PHC2: variants seen among roughly 807,000 people sequenced by gnomAD.
The protein encoded by PHC2 is polyhomeotic-like protein 2.
In PHC2, 29 loss-of-function variants were observed where a neutral mutation model predicts 87.4. That is an observed-to-expected ratio of 0.33 (90% CI 0.25 to 0.45). The LOEUF is 0.45. Among genes scored for constraint, PHC2 ranks in the 20% least tolerant of loss-of-function variants. The pLI is 1.00. For missense variants in PHC2, 857 were observed against 1,136.7 expected, an observed-to-expected ratio of 0.75 and a Z score of 3.54; for synonymous variants, 438 against 461.7, an observed-to-expected ratio of 0.95 and a Z score of 0.66.
chr1:33,326,069 T>G, intron 14 of PHC2: 1 of 346,034 alleles, frequency 2.9e-6, no homozygotes, highest in Admixed American at 3.6e-5. Flanking sequence ...AAATGTAAGT[T>G]GAATGTACCT....
rs77321548 is a variant in PHC2, at chr1:33,340,986, A to G, written c.1559-6694T>C. Among the ~76,000 whole-genome samples the G allele has an allele frequency of 7.4e-4, 112 of 152,158 alleles. 1 individual carries two copies. In the East Asian group the frequency reaches 0.018, roughly 25 times the overall value. On this transcript the variant is annotated intron_variant, in intron 9 of 14. Coordinates refer to ENST00000683057, the MANE Select transcript of PHC2 (RefSeq NM_001385109.1). ...CTAGATCCCAGAGGATTAAAGTTAG[A>G]AAGGCCCTGAGTTTAACATCTTAAA... is the stretch of plus-strand genomic sequence containing the variant.
In PHC2 at chr1:33,430,960, C is replaced by A. The variant is rs1273155518; in HGVS notation, c.-55+16G>T. 6.6e-6 allele frequency: 1 copy of A among 151,554 alleles called. No individual in the cohort carries two copies. The highest frequency in any genetic ancestry group is 1.5e-5 in the Non-Finnish European group (1 of 67,906). The allele number at this position is 151,554 out of a possible 1,614,324, so 9.4% of individuals were successfully genotyped here. Reference sequence around the variant, plus strand: ...AGCCGCGAGCTGGCCCCAGCGCGCACGCGCCCGCCCGTTACCTGCGGTCGC... The same window carrying A: ...AGCCGCGAGCTGGCCCCAGCGCGCAAGCGCCCGCCCGTTACCTGCGGTCGC... On this transcript the variant is annotated intron_variant, in intron 1 of 14. Coordinates refer to ENST00000683057, the MANE Select transcript of PHC2 (RefSeq NM_001385109.1).
At chr1:33,373,004 G>A (rs185485294) in intron 2 of PHC2, among the ~76,000 whole-genome samples, 4 of 152,366 alleles carry the variant, frequency 2.6e-5, no homozygotes, top group African/African-American at 7.2e-5. Context: ...CAGACTTGGG[G>A]CTGCTCCCCA....
Position 33,375,587 on chromosome 1 carries a change from G to A in PHC2, c.-48C>T. On this transcript the variant is annotated 5_prime_UTR_variant, in exon 2 of 15. Transcript: ENST00000683057. ...GGGCGCTCGGATGGCAGAAGGGCAG[G>A]CAGATGCTAGGAGGGAAGAGGCAGA... 1 of 1,424,856 alleles carries A rather than the reference G, an allele frequency of 7.0e-7. No individual in the cohort carries two copies. The highest frequency in any genetic ancestry group is 1.5e-5 in the African/African-American group (1 of 68,904). The allele number at this position is 1,424,856 out of a possible 1,614,324, so 88.3% of individuals were successfully genotyped here. A position where few individuals can be genotyped will look rare whatever the true frequency, so the allele number is the denominator to read the frequency against.
At chr1:33,356,073 T>C (rs984750584) in intron 7 of PHC2, among the ~76,000 whole-genome samples, 1 of 151,948 alleles carries the variant, frequency 6.6e-6, no homozygotes, top group Non-Finnish European at 1.5e-5. Flanking sequence ...AGGTGAGTTG[T>C]AATTGTTTCT....
intron 9 of PHC2, chr1:33,347,167 G>C: frequency 1.0e-6 from 1 of 985,452 alleles, no homozygotes; most frequent in Non-Finnish European, 1.2e-6. Context: ...CAGGGTCATA[G>C]CTGAGGGAAG....
In PHC2 at chr1:33,349,773, A is replaced by C. The variant is rs1435483763; in HGVS notation, c.1558+4628T>G. The stretch of plus-strand genomic sequence containing the variant: ...CCGCACCGGCCTGGCCGGCGTCAAC[A>C]AAGGGCGGCCGGGGCGCGAGGCCGG... On this transcript the variant is annotated intron_variant, in intron 9 of 14. Transcript: ENST00000683057. This position sits in a 1 kb window ranked among gnomAD's most constrained non-coding sequence, Gnocchi z 4.2. 2.0e-6 allele frequency: 2 copies of C among 977,778 alleles called. No individual in the cohort carries two copies. Among genetic ancestry groups the C allele is most frequent in the African/African-American group, 1.8e-5 (1 of 56,202 alleles). The allele number at this position is 977,778 out of a possible 1,614,324, so 60.6% of individuals were successfully genotyped here. A position where few individuals can be genotyped will look rare whatever the true frequency, so the allele number is the denominator to read the frequency against.
At chr1:33,410,822 A>G (rs1418617607) in intron 1 of PHC2, among the ~76,000 whole-genome samples, 16 of 152,246 alleles carry the variant, frequency 1.1e-4, no homozygotes, top group Admixed American at 1.0e-3. Context: ...AATAGTAGCC[A>G]TTATAATTAA....
At position 33,331,233 on chromosome 1, in the gene PHC2, GA is replaced by G. The variant is rs34504596; in HGVS notation, c.2006+114del. On this transcript the variant is annotated intron_variant, in intron 12 of 14. Coordinates refer to ENST00000683057, the MANE Select transcript of PHC2 (RefSeq NM_001385109.1). The surrounding 1 kb of genome is among the most constrained non-coding windows in gnomAD (Gnocchi z 5.2). Reference sequence around the variant, plus strand: ...CCATCCTGCTTCCAGGTGGGTCGAGGAACTAGGAAACTGGAGAAGCCACCCC... The same window carrying G: ...CCATCCTGCTTCCAGGTGGGTCGAGGACTAGGAAACTGGAGAAGCCACCCC... The G allele has an allele frequency of 0.31, 172,255 of 556,912 alleles. 28,611 individuals are homozygous for G. Among genetic ancestry groups the G allele is most frequent in the Admixed American group, 0.47 (17,327 of 36,606 alleles). 34.5% of individuals were successfully genotyped at this position (556,912 alleles called of 1,614,324 possible).
Position 33,332,228 on chromosome 1 carries a change from T to G in PHC2, c.1891+47A>C. On this transcript the variant is annotated intron_variant, in intron 11 of 14. Transcript: ENST00000683057. This position sits in a 1 kb window ranked among gnomAD's most constrained non-coding sequence, Gnocchi z 4.2. ...AGAGGAAGTGTGTGAGGCCTGCCTT[T>G]CCAGCCACGCTGGGAGGCCGAGAGA... 1 of 1,612,088 alleles carries G rather than the reference T, an allele frequency of 6.2e-7. No homozygotes were observed. The highest frequency in any genetic ancestry group is 8.5e-7 in the Non-Finnish European group (1 of 1,178,336).
chr1:33,405,670 T>C (rs1269167476), intron 1 of PHC2, among the ~76,000 whole-genome samples: 1 of 152,224 alleles, frequency 6.6e-6, no homozygotes, highest in Non-Finnish European at 1.5e-5. Flanking sequence ...CCATAAATTT[T>C]CCTCTAAGCT....
chr1:33,368,687 GC>G lies in PHC2; in HGVS notation c.577-66del. 1.6e-6 allele frequency: 2 copies of G among 1,230,508 alleles called. No individual in the cohort carries two copies. Among genetic ancestry groups the G allele is most frequent in the Non-Finnish European group, 2.3e-6 (2 of 854,278 alleles). The allele number at this position is 1,230,508 out of a possible 1,614,324, so 76.2% of individuals were successfully genotyped here. A position where few individuals can be genotyped will look rare whatever the true frequency, so the allele number is the denominator to read the frequency against. ...TACCTGCACCAGGTTACCTGGCTGG[GC>G]CTGGAATCACAGGAAACGAGGCGCC... On this transcript the variant is annotated intron_variant, in intron 5 of 14. Transcript: ENST00000683057. The surrounding 1 kb of genome is among the most constrained non-coding windows in gnomAD (Gnocchi z 6.6).
At chr1:33,350,486 C>T (rs943740955) in intron 9 of PHC2, 1 of 152,300 alleles carries the variant, frequency 6.6e-6, no homozygotes, top group Non-Finnish European at 1.5e-5. Flanking sequence ...ACCGGGTGAA[C>T]CTGCGCTGTC....
At position 33,331,913 on chromosome 1, in the gene PHC2, C is replaced by A. The variant is rs1036334231; in HGVS notation, c.1891+362G>T. 6.6e-6 allele frequency among the ~76,000 whole-genome samples: 1 copy of A among 152,250 alleles called. No homozygotes were observed. Among genetic ancestry groups the A allele is most frequent in the African/African-American group, 2.4e-5 (1 of 41,464 alleles). ...TCAGTGCTTCATGTGGAAAGAGCAG[C>A]CTTGCCTGGTCTCTGCTGTGACCTA... is the stretch of plus-strand genomic sequence containing the variant. On this transcript the variant is annotated intron_variant, in intron 11 of 14. Transcript: ENST00000683057. This position sits in a 1 kb window ranked among gnomAD's most constrained non-coding sequence, Gnocchi z 5.2.
At chr1:33,399,436 A>C (rs1242440339) in intron 1 of PHC2, among the ~76,000 whole-genome samples, 1 of 152,206 alleles carries the variant, frequency 6.6e-6, no homozygotes, top group Non-Finnish European at 1.5e-5. Context: ...ATGGATTCCA[A>C]AAAGCTCCAA....
intron 1 of PHC2, among the ~76,000 whole-genome samples, chr1:33,396,988 G>C (rs758683083): frequency 3.3e-5 from 5 of 152,190 alleles, no homozygotes; most frequent in African/African-American, 4.8e-5. Flanking sequence ...CGAGGAGTCT[G>C]GAATCAGATG....
At chr1:33,397,688 C>G (rs551838223) in intron 1 of PHC2, among the ~76,000 whole-genome samples, 124 of 152,206 alleles carry the variant, frequency 8.1e-4, no homozygotes, top group South Asian at 1.9e-3. Flanking sequence ...GATTTTGGCT[C>G]TGCCTCAGGG....
intron 9 of PHC2, among the ~76,000 whole-genome samples, chr1:33,350,664 A>G (rs1646954799): frequency 6.6e-6 from 1 of 151,784 alleles, no homozygotes; most frequent in Admixed American, 6.6e-5. Context: ...ACATGGTCCC[A>G]TTTTCTTGCC....
intron 1 of PHC2, among the ~76,000 whole-genome samples, chr1:33,403,272 A>G (rs1423840377): frequency 6.7e-6 from 1 of 149,996 alleles, no homozygotes; most frequent in African/African-American, 2.5e-5. Context: ...GACTACAGCT[A>G]CCCACCACCA....
Sources: allele counts gnomAD v4.1 joint callset (sites outside exome capture counted in the v4.1 genomes callset), GRCh38; gene constraint gnomAD v4.1.1; non-coding constraint Gnocchi (gnomAD v3.1); transcripts MANE v1.5; gene names NCBI Gene and HGNC (gene_info 2026-07-23, HGNC 2026-07-21).